JAZF1: variants seen among roughly 807,000 people sequenced by gnomAD.
The protein encoded by JAZF1 is JAZF zinc finger 1.
JAZF1 carries 8 observed loss-of-function variants against 26.4 expected under a neutral mutation model. The observed-to-expected ratio is 0.30, with a 90% CI of 0.18 to 0.55. The LOEUF is 0.55. Ranked by LOEUF, JAZF1 falls within the 20% of genes least tolerant of loss-of-function variation. The probability of loss-of-function intolerance (pLI) is 0.94; values close to 1 mark genes in which losing one functional copy is unlikely to be tolerated. For missense variants in JAZF1, 199 were observed against 322.0 expected (o/e 0.62, Z 2.92); for synonymous variants, 126 against 122.3 (o/e 1.03, Z -0.20).
chr7:27,912,861 A>G (rs1324432715), intron 2 of JAZF1, among the ~76,000 whole-genome samples: 1 of 152,106 alleles, frequency 6.6e-6, no homozygotes, highest in Non-Finnish European at 1.5e-5. Flanking sequence ...AAAAGACTGG[A>G]GACGGCCAAC....
At chr7:28,172,693 AG>A (rs1417069047) in intron 1 of JAZF1, among the ~76,000 whole-genome samples, 1 of 152,174 alleles carries the variant, frequency 6.6e-6, no homozygotes, top group Admixed American at 6.5e-5. Context: ...ACCATCCCAC[AG>A]CAGATGTCAT....
intron 1 of JAZF1, among the ~76,000 whole-genome samples, chr7:28,148,948 G>A (rs750322397): frequency 8.5e-5 from 13 of 152,360 alleles, no homozygotes; most frequent in African/African-American, 2.6e-4. Context: ...AAGGATAGGC[G>A]AGGTTTCTAC....
intron 1 of JAZF1, among the ~76,000 whole-genome samples, chr7:28,074,955 C>T (rs1364792089): frequency 6.6e-6 from 1 of 152,124 alleles, no homozygotes; most frequent in Non-Finnish European, 1.5e-5. Flanking sequence ...TGAATTGTGT[C>T]CTCATTTTCT....
At chr7:27,919,721 T>G (rs1215694307) in intron 2 of JAZF1, among the ~76,000 whole-genome samples, 2 of 152,232 alleles carry the variant, frequency 1.3e-5, no homozygotes, top group African/African-American at 4.8e-5. Context: ...ACTACAGGAG[T>G]GCTCTGGAAC....
chr7:28,070,625 T>C (rs1397189636), intron 1 of JAZF1, among the ~76,000 whole-genome samples: 2 of 152,218 alleles, frequency 1.3e-5, no homozygotes, highest in African/African-American at 2.4e-5. Context: ...ACAAATCATC[T>C]AGCTCTTCTT....
rs200629853 is a variant in JAZF1, at chr7:27,888,836, T to TC, written c.385+6383dup. 7.2e-4 allele frequency among the ~76,000 whole-genome samples: 109 copies of TC among 152,100 alleles called. 2 individuals are homozygous for TC. In the East Asian group the frequency reaches 0.016, roughly 22 times the overall value. ...TTTCTCTGGTTTAATACTTGAATTT[T>TC]CCCCCCCAGAGTGCGCCAAAATATA... On this transcript the variant is annotated intron_variant, in intron 3 of 4. Transcript: ENST00000283928.
chr7:27,873,139 G>A (rs748605588), intron 3 of JAZF1, among the ~76,000 whole-genome samples: 2 of 152,100 alleles, frequency 1.3e-5, no homozygotes, highest in African/African-American at 2.4e-5. Context: ...GTCATTTCCC[G>A]TCCAACATGC....
At chr7:27,974,478 A>T (rs147619104) in intron 2 of JAZF1, among the ~76,000 whole-genome samples, 4 of 152,320 alleles carry the variant, frequency 2.6e-5, no homozygotes, top group Non-Finnish European at 5.9e-5. Context: ...AAACACTTCA[A>T]ACTGAACTGC....
chr7:28,149,600 G>A (rs1783077221), intron 1 of JAZF1, among the ~76,000 whole-genome samples: 1 of 152,058 alleles, frequency 6.6e-6, no homozygotes, highest in African/African-American at 2.4e-5. Flanking sequence ...GTTGGTAAAA[G>A]CACAGAAATA....
chr7:27,849,259 G>A (rs1420347869), intron 3 of JAZF1, among the ~76,000 whole-genome samples: 4 of 152,224 alleles, frequency 2.6e-5, no homozygotes, highest in African/African-American at 9.6e-5. Context: ...GTGAGCAGGT[G>A]GGGGCAGCAG....
chr7:28,001,758 A>G (rs555151395), intron 1 of JAZF1, among the ~76,000 whole-genome samples: 7 of 152,150 alleles, frequency 4.6e-5, no homozygotes, highest in African/African-American at 1.4e-4. Flanking sequence ...CACTGAAGGT[A>G]TAAACTGGTA....
intron 1 of JAZF1, among the ~76,000 whole-genome samples, chr7:28,019,529 TC>T (rs1347880862): frequency 6.6e-6 from 1 of 152,082 alleles, no homozygotes; most frequent in Non-Finnish European, 1.5e-5. Flanking sequence ...CCGTGGCCCT[TC>T]CCCTCTGCTT....
At position 27,830,831 on chromosome 7, in the gene JAZF1, T is replaced by C. The variant is rs1782672258; in HGVS notation, c.*1969A>G. On this transcript the variant is annotated 3_prime_UTR_variant, in exon 5 of 5. Coordinates refer to ENST00000283928, the MANE Select transcript of JAZF1 (RefSeq NM_175061.4). ...CATCCTTACCTGTTTAGTAATACTGTCACAATGAATAAGTAAATAGAAATT... is the reference window on the plus strand; with the variant it reads ...CATCCTTACCTGTTTAGTAATACTGCCACAATGAATAAGTAAATAGAAATT... 5 of 208,022 alleles carry C rather than the reference T, an allele frequency of 2.4e-5. No individual in the cohort carries two copies. In the East Asian group the frequency reaches 3.0e-4, roughly 12 times the overall value. The allele number at this position is 208,022 out of a possible 1,614,324, so 12.9% of individuals were successfully genotyped here. A position where few individuals can be genotyped will look rare whatever the true frequency, so the allele number is the denominator to read the frequency against.
chr7:27,845,634 T>C (rs1224474440), intron 3 of JAZF1, among the ~76,000 whole-genome samples: 2 of 146,788 alleles, frequency 1.4e-5, no homozygotes, highest in African/African-American at 5.1e-5. Context: ...GAGGCAGAGG[T>C]TGCAGTGAGC....
intron 2 of JAZF1, chr7:27,913,510 G>C (rs1784397010): frequency 6.0e-6 from 2 of 334,296 alleles, no homozygotes; most frequent in Non-Finnish European, 1.2e-5. Context: ...AGCTTGGTGG[G>C]AGGGGCGCTG....
intron 1 of JAZF1, among the ~76,000 whole-genome samples, chr7:28,177,588 GC>G (rs1783567256): frequency 6.6e-6 from 1 of 152,118 alleles, no homozygotes; most frequent in African/African-American, 2.4e-5. Context: ...GCTCACCTAA[GC>G]ATATCTCTAA....
chr7:27,986,652 T>C (rs113046507), intron 2 of JAZF1, among the ~76,000 whole-genome samples: 46,114 of 101,302 alleles, frequency 0.46, 9,308 homozygotes, highest in East Asian at 0.67. Flanking sequence ...CCTCCCCCTC[T>C]CCCTCCCTCT....
chr7:27,983,220 C>G (rs919516733), intron 2 of JAZF1, among the ~76,000 whole-genome samples: 4 of 152,086 alleles, frequency 2.6e-5, no homozygotes, highest in Non-Finnish European at 5.9e-5. Flanking sequence ...AGACTAATGG[C>G]TAACTAGAAT....
chr7:27,873,894 C>G (rs1783627594), intron 3 of JAZF1, among the ~76,000 whole-genome samples: 1 of 152,232 alleles, frequency 6.6e-6, no homozygotes, highest in South Asian at 2.1e-4. Context: ...TAGACTGAGA[C>G]ACTCTGATGC....
Sources: gnomAD v4.1 joint callset for allele counts (sites outside exome capture counted in the v4.1 genomes callset) on GRCh38, gnomAD v4.1.1 for gene constraint, MANE v1.5 for transcripts, NCBI Gene and HGNC (gene_info 2026-07-23, HGNC 2026-07-21) for gene names.